The following ATP13A3 variants were observed in gnomAD, a reference collection of about 807,000 sequenced individuals.
ATP13A3 encodes polyamine-transporting ATPase 13A3.
In ATP13A3, 59 loss-of-function variants were observed where a neutral mutation model predicts 158.1. The ratio of observed to expected loss-of-function variants is 0.37; its 90% CI spans 0.30 to 0.46. The LOEUF is 0.46. Among genes scored for constraint, ATP13A3 ranks in the 20% least tolerant of loss-of-function variants. ATP13A3 has a pLI of 1.00. For synonymous variants in ATP13A3, 491 were observed against 504.3 expected (o/e 0.97, Z 0.35); for missense variants, 1,166 against 1,525.2 (o/e 0.76, Z 3.92).
At chr3:194,475,474 A>G (rs1330645813) in intron 2 of ATP13A3, among the ~76,000 whole-genome samples, 1 of 152,234 alleles carries the variant, frequency 6.6e-6, no homozygotes, top group Non-Finnish European at 1.5e-5. Flanking sequence ...ACTTTAAGTT[A>G]CATGAATTTG....
At chr3:194,462,269 C>CT in intron 2 of ATP13A3, 33 bp from the exon 3 acceptor site, 1 of 1,337,880 alleles carries the variant, frequency 7.5e-7, no homozygotes. Flanking sequence ...CGTTAGGGAA[C>CT]TATCTTCTAT....
chr3:194,404,352 A>T lies in ATP13A3; in HGVS notation c.*1567T>A. ...ATTTCTATTTTTCTATAGTTACCAA[A>T]CATCATCCAGGTCTTTGCAGCATAA... On this transcript the variant is annotated 3_prime_UTR_variant, in exon 34 of 34. Transcript: ENST00000645319. The T allele has an allele frequency of 4.2e-6, 1 of 240,916 alleles. No homozygotes were observed. The highest frequency in any genetic ancestry group is 8.2e-6 in the Non-Finnish European group (1 of 121,688). 14.9% of individuals were successfully genotyped at this position (240,916 alleles called of 1,614,324 possible).
At position 194,437,123 on chromosome 3, in the gene ATP13A3, T is replaced by C. The variant is rs1218882363; in HGVS notation, c.2092A>G (p.Thr698Ala). ...LAHRKLESKL[T>A]WHKVQNISRD... ...CTAATATTCTGTACTTTATGCCATG[T>C]CAGTTTTGACTCCAATTTTCTGTGT... is the stretch of plus-strand genomic sequence containing the variant. Residue 698 changes from threonine to alanine, a missense_variant, in exon 20 of 34, where the codon ACA becomes GCA. Around this residue, in one of 3 missense-constraint regions of ATP13A3, gnomAD observed 997 missense variants for 1,341.2 expected, o/e 0.74. Transcript: ENST00000645319. 6.2e-7 allele frequency: 1 copy of C among 1,614,198 alleles called. No individual in the cohort carries two copies. The highest frequency in any genetic ancestry group is 8.5e-7 in the Non-Finnish European group (1 of 1,180,020).
intron 31 of ATP13A3, among the ~76,000 whole-genome samples, chr3:194,417,985 A>AAGGGAGGGAGGG (rs1197087336): frequency 1.1e-5 from 1 of 88,186 alleles, no homozygotes; most frequent in Non-Finnish European, 2.3e-5. Context: ...GGAAGGAAGG[A>AAGGGAGGGAGGG]AGGGAGGGAG....
At chr3:194,411,451 A>T (rs1188033179) in intron 33 of ATP13A3, among the ~76,000 whole-genome samples, 2 of 152,206 alleles carry the variant, frequency 1.3e-5, no homozygotes, top group Non-Finnish European at 2.9e-5. Context: ...AAGAGCTCTG[A>T]TTCATAGGAT....
At chr3:194,414,436 G>A (rs1241916147) in intron 31 of ATP13A3, among the ~76,000 whole-genome samples, 5 of 148,900 alleles carry the variant, frequency 3.4e-5, no homozygotes, top group Admixed American at 6.7e-5. Flanking sequence ...GTACTCCAGC[G>A]TGGGTGACAG....
Position 194,450,230 on chromosome 3 carries a change from C to G in ATP13A3, c.885G>C (p.Met295Ile), listed in dbSNP as rs911472502. ...TTATTGTCCCATTTAATGGAATGAC[C>G]ATGACATCTCCTGGCACAAGGTCGG... ...FSTDLVPGDV[M>I]VIPLNGTIMP... is the part of the protein sequence containing the mutation. Residue 295 changes from methionine (M) to isoleucine (I), a missense_variant, in exon 11 of 34, where the codon ATG becomes ATC. Physicochemically the swap from Met to Ile is conservative, Grantham distance 10 (BLOSUM62 1). This residue lies in a region of ATP13A3 where 997 missense variants were observed against 1,341.2 expected (regional missense o/e 0.74). Transcript: ENST00000645319. 2 of 1,613,432 alleles carry G rather than the reference C, an allele frequency of 1.2e-6. No homozygotes were observed. Among genetic ancestry groups the G allele is most frequent in the African/African-American group, 2.7e-5 (2 of 75,000 alleles).
chr3:194,432,841 T>G (rs1424072401), intron 21 of ATP13A3, among the ~76,000 whole-genome samples: 2 of 151,912 alleles, frequency 1.3e-5, no homozygotes, highest in Non-Finnish European at 2.9e-5. Flanking sequence ...AAAACAGAGC[T>G]ACCACAATTT....
Position 194,494,245 on chromosome 3 carries a change from GC to G in ATP13A3, n.550del. 2.5e-6 allele frequency: 1 copy of G among 398,614 alleles called. No homozygotes were observed. 24.7% of individuals were successfully genotyped at this position (398,614 alleles called of 1,614,324 possible). ...TTCCTCAGCCACATCTGGATCCTCA[GC>G]CCCTCACAGCACACAGCGGTAGTCA... On this transcript the variant is annotated non_coding_transcript_exon_variant, in exon 2 of 33. Coordinates refer to the ATP13A3 transcript ENST00000687055. This position sits in a 1 kb window ranked among gnomAD's most constrained non-coding sequence, Gnocchi z 4.2.
chr3:194,481,399 A>G (rs1162656070), intron 2 of ATP13A3, among the ~76,000 whole-genome samples: 3 of 152,156 alleles, frequency 2.0e-5, no homozygotes, highest in African/African-American at 7.2e-5. Flanking sequence ...AAAAAATGCA[A>G]AAGTTTTGAG....
chr3:194,454,117 G>A (rs1215971008), intron 9 of ATP13A3, 141 bp downstream of exon 9: 2 of 889,952 alleles, frequency 2.2e-6, no homozygotes, highest in African/African-American at 1.7e-5. Context: ...AAAAAGGGAG[G>A]GGAGAAGGAG....
chr3:194,441,632 G>A (rs181236276), intron 15 of ATP13A3, among the ~76,000 whole-genome samples, 171 bp from the exon 16 acceptor site: 5 of 152,280 alleles, frequency 3.3e-5, no homozygotes, highest in East Asian at 3.9e-4. Flanking sequence ...GAAAACCAGA[G>A]GGGTGTGAAC....
chr3:194,484,157 A>G (rs1301422378), intron 2 of ATP13A3, among the ~76,000 whole-genome samples: 1 of 152,170 alleles, frequency 6.6e-6, no homozygotes, highest in Non-Finnish European at 1.5e-5. Context: ...CAGAGACAGA[A>G]ACCTCTGTGT....
intron 20 of ATP13A3, among the ~76,000 whole-genome samples, chr3:194,436,586 A>G (rs1228890938): frequency 1.3e-5 from 2 of 152,272 alleles, no homozygotes; most frequent in Non-Finnish European, 2.9e-5. Flanking sequence ...ACATGATGTT[A>G]CAATAACATA....
chr3:194,471,067 T>C (rs1372607756), intron 2 of ATP13A3, among the ~76,000 whole-genome samples: 3 of 152,084 alleles, frequency 2.0e-5, no homozygotes, highest in Non-Finnish European at 2.9e-5. Flanking sequence ...TGATTGAATA[T>C]ATGCCTAAAC....
At chr3:194,449,707 AAAATC>A (rs1718674183) in intron 11 of ATP13A3, among the ~76,000 whole-genome samples, 1 of 151,988 alleles carries the variant, frequency 6.6e-6, no homozygotes, top group South Asian at 2.1e-4. Flanking sequence ...AAACAAAAAA[AAAATC>A]AAGCTCTACC....
intron 33 of ATP13A3, among the ~76,000 whole-genome samples, chr3:194,410,752 T>G (rs1189326695): frequency 6.6e-6 from 1 of 152,170 alleles, no homozygotes; most frequent in East Asian, 1.9e-4. Flanking sequence ...AAACATGCAA[T>G]TTCTTGTTCA....
At chr3:194,468,076 G>T (rs1720101212) in intron 2 of ATP13A3, 1 of 152,068 alleles carries the variant, frequency 6.6e-6, no homozygotes, top group African/African-American at 2.4e-5. Context: ...TAAAAATTTG[G>T]AATTTTATGC....
intron 4 of ATP13A3, 56 bp from the exon 5 acceptor site, chr3:194,460,027 ATT>A: frequency 3.1e-6 from 4 of 1,303,866 alleles, no homozygotes; most frequent in Non-Finnish European, 4.2e-6. Context: ...AACTGCCTAT[ATT>A]TTCATTTATT....
Sources: allele counts gnomAD v4.1 joint callset (sites outside exome capture counted in the v4.1 genomes callset), GRCh38; gene constraint gnomAD v4.1.1; regional missense constraint gnomAD v4.1.1; non-coding constraint Gnocchi (gnomAD v3.1); transcripts MANE v1.5; gene names NCBI Gene and HGNC (gene_info 2026-07-23, HGNC 2026-07-21).